AKR1A1: variants seen among roughly 807,000 people sequenced by gnomAD.
The protein encoded by AKR1A1 is aldo-keto reductase family 1 member A1.
In AKR1A1, 26 loss-of-function variants were observed where a neutral mutation model predicts 39.2. The observed-to-expected ratio is 0.66, with a 90% CI of 0.49 to 0.92. The LOEUF is 0.92. Ranked by LOEUF, AKR1A1 falls within the 40% of genes least tolerant of loss-of-function variation. The probability of loss-of-function intolerance (pLI) is 0.00; values close to 1 mark genes in which losing one functional copy is unlikely to be tolerated. For missense variants in AKR1A1, 378 were observed against 406.5 expected (o/e 0.93, Z 0.60); for synonymous variants, 141 against 155.5 (o/e 0.91, Z 0.69).
At position 45,566,859 on chromosome 1, in the gene AKR1A1, C is replaced by T. The variant is rs762760787; in HGVS notation, c.205-10C>T. 2 of 1,613,304 alleles carry T rather than the reference C, an allele frequency of 1.2e-6. No homozygotes were observed. Among genetic ancestry groups the T allele is most frequent in the Non-Finnish European group, 1.7e-6 (2 of 1,179,618 alleles). The stretch of plus-strand genomic sequence containing the variant: ...GCTCTTCTCACTGTGGGCCCTGCCC[C>T]CTGCACTAGGCGGTGCCTCGGGAGG... On this transcript the variant is annotated splice_polypyrimidine_tract_variant and intron_variant, in intron 3 of 8. Coordinates refer to ENST00000351829, the MANE Select transcript of AKR1A1 (RefSeq NM_153326.3).
intron 4 of AKR1A1, 193 bp from the exon 5 acceptor site, chr1:45,567,788 CT>C: frequency 2.0e-6 from 1 of 499,874 alleles, no homozygotes; most frequent in African/African-American, 2.0e-5. Flanking sequence ...GATAGTGCCA[CT>C]GCACTCCAGC....
chr1:45,562,806 G>A (rs1020466094), intron 2 of AKR1A1, among the ~76,000 whole-genome samples: 3 of 151,480 alleles, frequency 2.0e-5, no homozygotes, highest in Non-Finnish European at 4.4e-5. Context: ...CACCTTGCCC[G>A]GCCACAAACT....
chr1:45,569,964 GCTT>G lies in AKR1A1; in HGVS notation c.*12_*14del. 1.9e-6 allele frequency: 3 copies of G among 1,613,754 alleles called. No individual in the cohort carries two copies. The highest frequency in any genetic ancestry group is 2.5e-6 in the Non-Finnish European group (3 of 1,179,658). On this transcript the variant is annotated 3_prime_UTR_variant, in exon 9 of 9. Transcript: ENST00000351829. Reference sequence around the variant, plus strand: ...TTTAATGACCCGTACTGAGACCACAGCTTCTTGGCCTCCCTTCCAGCTCTGCAG... The same window carrying G: ...TTTAATGACCCGTACTGAGACCACAGCTTGGCCTCCCTTCCAGCTCTGCAG...
chr1:45,564,039 G>C (rs1224624888), intron 2 of AKR1A1, among the ~76,000 whole-genome samples: 2 of 152,206 alleles, frequency 1.3e-5, no homozygotes, highest in African/African-American at 2.4e-5. Flanking sequence ...GTGAAGAGAA[G>C]TTTGGGGATT....
At chr1:45,563,932 T>C (rs1644308473) in intron 2 of AKR1A1, among the ~76,000 whole-genome samples, 1 of 152,226 alleles carries the variant, frequency 6.6e-6, no homozygotes, top group African/African-American at 2.4e-5. Flanking sequence ...ATGGACCTGC[T>C]CTCTCAGGGT....
At chr1:45,551,495 C>G (rs1262585933) in intron 1 of AKR1A1, among the ~76,000 whole-genome samples, 8 of 152,200 alleles carry the variant, frequency 5.3e-5, no homozygotes, top group Non-Finnish European at 1.0e-4. Context: ...CCAGCTGCTC[C>G]GGCTTTCTTA....
intron 1 of AKR1A1, among the ~76,000 whole-genome samples, chr1:45,559,634 C>CTTTTTTTTTTTTTTTTTTTTT (rs71056306): frequency 2.7e-5 from 2 of 73,126 alleles, no homozygotes; most frequent in Non-Finnish European, 4.8e-5. Context: ...CTTTTCTTTT[C>CTTTTTTTTTTTTTTTTTTTTT]TTTTTTTTTT....
At chr1:45,552,685 G>A (rs1396374642) in intron 1 of AKR1A1, 1 of 152,254 alleles carries the variant, frequency 6.6e-6, no homozygotes, top group Non-Finnish European at 1.5e-5. Flanking sequence ...AAAGATAGAA[G>A]CCAGGTTTTG....
chr1:45,551,245 G>A (rs1406525461), intron 1 of AKR1A1, 90 bp downstream of exon 1: 1 of 152,262 alleles, frequency 6.6e-6, no homozygotes, highest in Non-Finnish European at 1.5e-5. Context: ...GGGGTTGAGT[G>A]GAGAGCGCAG....
chr1:45,557,733 T>G (rs1190825131), intron 1 of AKR1A1, among the ~76,000 whole-genome samples: 2 of 152,090 alleles, frequency 1.3e-5, no homozygotes, highest in Non-Finnish European at 2.9e-5. Flanking sequence ...CTTGGAAATT[T>G]GATTATAAAG....
intron 1 of AKR1A1, among the ~76,000 whole-genome samples, chr1:45,551,556 C>T (rs1006996533): frequency 1.3e-5 from 2 of 152,152 alleles, no homozygotes; most frequent in African/African-American, 4.8e-5. Flanking sequence ...GGATAATTCT[C>T]TTACTTAGAC....
intron 8 of AKR1A1, 126 bp from the exon 9 acceptor site, chr1:45,569,765 A>C (rs1322217129): frequency 1.3e-6 from 1 of 785,914 alleles, no homozygotes; most frequent in Non-Finnish European, 2.1e-6. Flanking sequence ...TGGGGATCCC[A>C]GCCAATGCCA....
chr1:45,559,338 G>A (rs552234253), intron 1 of AKR1A1, among the ~76,000 whole-genome samples: 5 of 152,282 alleles, frequency 3.3e-5, no homozygotes, highest in Admixed American at 6.5e-5. Flanking sequence ...TCCAGAGGGG[G>A]AGGCTCCAGT....
intron 1 of AKR1A1, among the ~76,000 whole-genome samples, chr1:45,558,130 A>G (rs1264468812): frequency 6.6e-6 from 1 of 151,658 alleles, no homozygotes; most frequent in Admixed American, 6.6e-5. Context: ...GCTGGTCTCG[A>G]ACTCCTGACC....
intron 1 of AKR1A1, among the ~76,000 whole-genome samples, chr1:45,558,927 A>T (rs1477777020): frequency 1.3e-5 from 2 of 152,202 alleles, no homozygotes; most frequent in Non-Finnish European, 2.9e-5. Context: ...AATCAATCCC[A>T]AGAGTGATAT....
chr1:45,568,607 G>C lies in AKR1A1; in HGVS notation c.675G>C (p.Glu225Asp). ...ATCGTGCATGGCGTGATCCTGATGAGCCTGTCCTGCTGGAGGAACCAGTAG... is the reference window on the plus strand; with the variant it reads ...ATCGTGCATGGCGTGATCCTGATGACCCTGTCCTGCTGGAGGAACCAGTAG... ...SSDRAWRDPDEPVLLEEPVVL... is the reference protein window; with the variant it reads ...SSDRAWRDPDDPVLLEEPVVL... The change falls in exon 6 of 9, where the codon GAG becomes GAC. Residue 225 changes from glutamate to aspartate, a missense_variant. Physicochemically the swap from Glu to Asp is conservative, Grantham distance 45. Transcript: ENST00000351829. 1 of 1,614,024 alleles carries C rather than the reference G, an allele frequency of 6.2e-7. No individual in the cohort carries two copies. The highest frequency in any genetic ancestry group is 8.5e-7 in the Non-Finnish European group (1 of 1,179,972).
intron 1 of AKR1A1, among the ~76,000 whole-genome samples, chr1:45,552,799 A>G (rs1644147967): frequency 6.6e-6 from 1 of 152,024 alleles, no homozygotes; most frequent in South Asian, 2.1e-4. Flanking sequence ...AAGAGGGACC[A>G]CTCTGGAAGC....
At chr1:45,555,694 G>A (rs1297147601) in intron 1 of AKR1A1, among the ~76,000 whole-genome samples, 2 of 152,220 alleles carry the variant, frequency 1.3e-5, no homozygotes, top group Non-Finnish European at 2.9e-5. Flanking sequence ...TGGATACCAC[G>A]GGATGACTAT....
rs542875717 is a variant in AKR1A1 at position 45,553,195 on chromosome 1, G to A, written c.-7+2040G>A. Among the ~76,000 whole-genome samples the A allele has an allele frequency of 2.4e-4, 36 of 151,686 alleles. No individual in the cohort carries two copies. The South Asian group carries it at 6.5e-3, about 27-fold the overall frequency. On this transcript the variant is annotated intron_variant, in intron 1 of 8. Coordinates refer to ENST00000351829, the MANE Select transcript of AKR1A1 (RefSeq NM_153326.3). ...TACCAGCACTTCGGGAGGCTGAGGC[G>A]GGCAGATCACGAGGTCAAGAGATGG...
Sources: gnomAD v4.1 joint callset for allele counts (sites outside exome capture counted in the v4.1 genomes callset) on GRCh38, gnomAD v4.1.1 for gene constraint, MANE v1.5 for transcripts, NCBI Gene and HGNC (gene_info 2026-07-23, HGNC 2026-07-21) for gene names.